The following MSRA variants were observed in gnomAD, a reference collection of about 807,000 sequenced individuals.
MSRA encodes mitochondrial peptide methionine sulfoxide reductase.
A neutral mutation model predicts 31.3 loss-of-function variants in MSRA; 54 were observed. The observed-to-expected ratio is 1.73, with a 90% CI of 1.39 to 2.17. MSRA has a LOEUF of 2.17. Ranked by LOEUF, MSRA falls within the 30% of genes most tolerant of loss-of-function variation. The probability of loss-of-function intolerance (pLI) is 0.00; values close to 1 mark genes in which losing one functional copy is unlikely to be tolerated. For missense variants in MSRA, 507 were observed against 300.9 expected (o/e 1.69, Z -5.07); for synonymous variants, 169 against 116.5 (o/e 1.45, Z -2.90).
At chr8:10,260,696 G>A (rs944793736) in intron 3 of MSRA, among the ~76,000 whole-genome samples, 5 of 152,008 alleles carry the variant, frequency 3.3e-5, no homozygotes, top group African/African-American at 9.7e-5. Flanking sequence ...TTGCATTGGT[G>A]GGGGGGAATA....
intron 3 of MSRA, among the ~76,000 whole-genome samples, chr8:10,257,339 G>C (rs758701635): frequency 6.6e-6 from 1 of 152,156 alleles, no homozygotes; most frequent in East Asian, 1.9e-4. Flanking sequence ...GAGACCTTGG[G>C]TCTCAATGCA....
At chr8:10,196,795 C>T (rs1008496804) in intron 1 of MSRA, among the ~76,000 whole-genome samples, 1 of 152,032 alleles carries the variant, frequency 6.6e-6, no homozygotes, top group East Asian at 1.9e-4. Flanking sequence ...TGGTCTCGAT[C>T]TCCTGACCTC....
chr8:10,217,712 A>G (rs754193337), intron 2 of MSRA, among the ~76,000 whole-genome samples: 36 of 152,136 alleles, frequency 2.4e-4, no homozygotes, highest in Non-Finnish European at 4.7e-4. Context: ...TCATCCATGA[A>G]TATTTTGGTA....
intron 3 of MSRA, among the ~76,000 whole-genome samples, chr8:10,255,920 C>T (rs926293532): frequency 1.3e-5 from 2 of 152,064 alleles, no homozygotes; most frequent in Non-Finnish European, 2.9e-5. Flanking sequence ...CTATCCCATC[C>T]CCCCACCATG....
chr8:10,140,339 C>T (rs1802600851), intron 1 of MSRA, among the ~76,000 whole-genome samples: 1 of 152,190 alleles, frequency 6.6e-6, no homozygotes, highest in African/African-American at 2.4e-5. Flanking sequence ...AGCCTTCCTG[C>T]TTCTGCTGCT....
intron 5 of MSRA, among the ~76,000 whole-genome samples, chr8:10,340,053 C>T (rs940282152): frequency 1.1e-4 from 16 of 152,190 alleles, no homozygotes; most frequent in Admixed American, 4.6e-4. Flanking sequence ...TTTCCTGGCC[C>T]GTGTGGTATG....
chr8:10,144,545 T>A (rs953970409), intron 1 of MSRA, among the ~76,000 whole-genome samples: 2 of 152,198 alleles, frequency 1.3e-5, no homozygotes, highest in Admixed American at 6.5e-5. Context: ...TCAAAATATA[T>A]TCAAGATCAG....
At chr8:10,264,463 T>G (rs1408964698) in intron 3 of MSRA, among the ~76,000 whole-genome samples, 3 of 152,244 alleles carry the variant, frequency 2.0e-5, no homozygotes, top group African/African-American at 7.2e-5. Flanking sequence ...TTTCTCTTTT[T>G]GCAACATTTC....
At chr8:10,145,186 C>T (rs1188747402) in intron 1 of MSRA, among the ~76,000 whole-genome samples, 1 of 152,200 alleles carries the variant, frequency 6.6e-6, no homozygotes, top group Non-Finnish European at 1.5e-5. Context: ...AGGGCCTATG[C>T]AGTGCGAGGC....
intron 5 of MSRA, among the ~76,000 whole-genome samples, chr8:10,342,232 G>T (rs928850415): frequency 1.3e-5 from 2 of 152,042 alleles, no homozygotes; most frequent in Admixed American, 1.3e-4. Flanking sequence ...CAGACTTTTT[G>T]ACCTCGGGAC....
intron 5 of MSRA, among the ~76,000 whole-genome samples, chr8:10,352,392 C>G (rs1804209224): frequency 1.3e-5 from 2 of 152,150 alleles, no homozygotes; most frequent in Non-Finnish European, 2.9e-5. Context: ...GAGTTCTCCA[C>G]TGTGCTTTGG....
chr8:10,301,481 C>G (rs1022460786), intron 3 of MSRA, 53 bp from the exon 4 acceptor site: 17 of 1,395,158 alleles, frequency 1.2e-5, no homozygotes, highest in African/African-American at 2.9e-5. Context: ...AAAAAACTTG[C>G]AATAAATGGA....
Position 10,339,531 on chromosome 8 carries a change from C to CTT in MSRA, c.543+19567_543+19568dup, listed in dbSNP as rs774034241. On this transcript the variant is annotated intron_variant, in intron 5 of 5. Coordinates refer to ENST00000317173, the MANE Select transcript of MSRA (RefSeq NM_012331.5). ...GTTAAGCAAGGGGTTTTCTTTCTTT[C>CTT]TTTTTTTTTTTTTTTTTTTTTTTTT... 3.3e-4 allele frequency among the ~76,000 whole-genome samples: 24 copies of CTT among 72,826 alleles called. 1 individual carries two copies. Among genetic ancestry groups the CTT allele is most frequent in the African/African-American group, 9.5e-4 (15 of 15,856 alleles). The allele number at this position is 72,826 out of a possible 152,430, so 47.8% of individuals were successfully genotyped here.
chr8:10,427,475 C>G (rs1405749789), intron 5 of MSRA, among the ~76,000 whole-genome samples: 1 of 152,196 alleles, frequency 6.6e-6, no homozygotes, highest in Non-Finnish European at 1.5e-5. Context: ...AGGCCACATC[C>G]TGCCCTGCCC....
chr8:10,257,992 A>C (rs1048896134), intron 3 of MSRA, among the ~76,000 whole-genome samples: 2 of 152,200 alleles, frequency 1.3e-5, no homozygotes, highest in Admixed American at 6.5e-5. Context: ...GAGATAGAAA[A>C]TAATAGCTAA....
At chr8:10,425,601 C>T (rs1341859618) in intron 5 of MSRA, among the ~76,000 whole-genome samples, 2 of 152,248 alleles carry the variant, frequency 1.3e-5, no homozygotes, top group Non-Finnish European at 2.9e-5. Context: ...CAGACACAGG[C>T]AGGCTGGGAG....
At chr8:10,404,001 G>T (rs1807632894) in intron 5 of MSRA, among the ~76,000 whole-genome samples, 2 of 152,190 alleles carry the variant, frequency 1.3e-5, no homozygotes, top group African/African-American at 4.8e-5. Context: ...TTGGGCGGGG[G>T]ACTGTTGCTC....
intron 1 of MSRA, among the ~76,000 whole-genome samples, chr8:10,115,632 T>A (rs1250168845): frequency 6.6e-6 from 1 of 152,152 alleles, no homozygotes; most frequent in Non-Finnish European, 1.5e-5. Flanking sequence ...AGTGGCGCTT[T>A]CTAAAAGATT....
rs531665012 is a variant in MSRA at position 10,205,382 on chromosome 8, G to A, written c.143-2451G>A. ...GGCAGATTGGATGTGGGGAGTGAAGGAAGAGAAGGGATAAGGACAGTTAGA... is the reference window on the plus strand; with the variant it reads ...GGCAGATTGGATGTGGGGAGTGAAGAAAGAGAAGGGATAAGGACAGTTAGA... On this transcript the variant is annotated intron_variant, in intron 1 of 5. Coordinates refer to ENST00000317173, the MANE Select transcript of MSRA (RefSeq NM_012331.5). 2.0e-5 allele frequency among the ~76,000 whole-genome samples: 3 copies of A among 152,242 alleles called. No individual in the cohort carries two copies. The South Asian group carries it at 6.2e-4, about 32-fold the overall frequency.
Sources: gnomAD v4.1 joint callset for allele counts (sites outside exome capture counted in the v4.1 genomes callset) on GRCh38, gnomAD v4.1.1 for gene constraint, MANE v1.5 for transcripts, NCBI Gene and HGNC (gene_info 2026-07-23, HGNC 2026-07-21) for gene names.